ATG10: variants seen among roughly 807,000 people sequenced by gnomAD.
ATG10 encodes autophagy related 10.
In ATG10, 30 loss-of-function variants were observed where a neutral mutation model predicts 32.1. The observed-to-expected ratio is 0.94, with a 90% CI of 0.70 to 1.27. The LOEUF is 1.27. Ranked by LOEUF, ATG10 falls within the 50% of genes most tolerant of loss-of-function variation. The pLI is 0.00. For synonymous variants in ATG10, 87 were observed against 91.5 expected, an observed-to-expected ratio of 0.95 and a Z score of 0.28; for missense variants, 233 against 262.3, an observed-to-expected ratio of 0.89 and a Z score of 0.77.
chr5:82,130,853 T>C (rs915079303), intron 3 of ATG10, among the ~76,000 whole-genome samples: 2 of 152,104 alleles, frequency 1.3e-5, no homozygotes, highest in Non-Finnish European at 2.9e-5. Context: ...CTGGGACAAG[T>C]CTTTCTATAA....
chr5:82,051,355 CT>C (rs987220776), intron 2 of ATG10, among the ~76,000 whole-genome samples: 8 of 152,276 alleles, frequency 5.3e-5, no homozygotes, highest in African/African-American at 1.9e-4. Context: ...AACTCCAGCC[CT>C]TTCCCCCAAG....
At chr5:82,080,920 G>T (rs1764455219) in intron 3 of ATG10, among the ~76,000 whole-genome samples, 3 of 152,250 alleles carry the variant, frequency 2.0e-5, no homozygotes, top group East Asian at 1.9e-4. Context: ...TAGCTTGATG[G>T]GGATGGCACT....
intron 5 of ATG10, among the ~76,000 whole-genome samples, chr5:82,239,153 A>G (rs1247627932): frequency 6.6e-6 from 1 of 152,202 alleles, no homozygotes; most frequent in Admixed American, 6.5e-5. Context: ...GACTTCTGCA[A>G]TGTAAAGTAG....
intron 2 of ATG10, among the ~76,000 whole-genome samples, chr5:82,047,242 A>C (rs1424062426): frequency 6.6e-6 from 1 of 152,174 alleles, no homozygotes; most frequent in Non-Finnish European, 1.5e-5. Context: ...GTTTAATAAA[A>C]AGTATGAGGG....
intron 1 of ATG10, among the ~76,000 whole-genome samples, chr5:81,975,566 C>T (rs568119189): frequency 6.6e-6 from 1 of 152,108 alleles, no homozygotes; most frequent in Admixed American, 6.5e-5. Context: ...CATGTGGTCC[C>T]AGCTACTCAA....
At chr5:81,973,873 ATAG>A (rs1407346058) in intron 1 of ATG10, among the ~76,000 whole-genome samples, 1 of 152,254 alleles carries the variant, frequency 6.6e-6, no homozygotes. Context: ...ATTAGTGGAA[ATAG>A]TAGTTCTAAA....
At position 82,225,065 on chromosome 5, in the gene ATG10, G is replaced by A. The variant is rs368995619; in HGVS notation, c.454-27497G>A. 1.6e-4 allele frequency among the ~76,000 whole-genome samples: 24 copies of A among 152,104 alleles called. No homozygotes were observed. In the East Asian group the frequency reaches 3.5e-3, roughly 22 times the overall value. On this transcript the variant is annotated intron_variant, in intron 5 of 7. Transcript: ENST00000282185. ...AGCTGACATTTCTTCAATATTTTTG[G>A]TGCTCCTGTTCTGCAGGTATTTAGT...
chr5:82,180,434 G>A (rs1744187664), intron 5 of ATG10, among the ~76,000 whole-genome samples: 1 of 152,162 alleles, frequency 6.6e-6, no homozygotes, highest in South Asian at 2.1e-4. Context: ...CCAGGCATTG[G>A]TGGTGCTGTG....
At chr5:82,059,389 TAC>T (rs3084714) in intron 3 of ATG10, among the ~76,000 whole-genome samples, 135,772 of 145,302 alleles carry the variant, frequency 0.93, 63,271 homozygotes, top group East Asian at 0.99. Context: ...TTCTATCATA[TAC>T]ACACACACAC....
intron 2 of ATG10, among the ~76,000 whole-genome samples, chr5:82,055,112 T>C (rs1191642972): frequency 6.6e-6 from 1 of 152,094 alleles, no homozygotes; most frequent in Non-Finnish European, 1.5e-5. Context: ...ACAAAACATA[T>C]TTTTCTGCCT....
At chr5:82,224,544 G>T (rs1239479750) in intron 5 of ATG10, among the ~76,000 whole-genome samples, 1 of 152,172 alleles carries the variant, frequency 6.6e-6, no homozygotes, top group African/African-American at 2.4e-5. Flanking sequence ...GTATTTGCAT[G>T]CAGGGGGAAG....
rs1744724270 is a variant in ATG10 at position 82,193,151 on chromosome 5, A to T, written c.453+14564A>T. On this transcript the variant is annotated intron_variant, in intron 5 of 7. Transcript: ENST00000282185. ...CCCCAACCGTGCCATTAGCAGTTGC[A>T]TTCTACAATCTAAAGTTGTTATTGG... Among the ~76,000 whole-genome samples, 2 of 152,208 alleles carry T rather than the reference A, an allele frequency of 1.3e-5. 1 individual carries two copies. Among genetic ancestry groups the T allele is most frequent in the African/African-American group, 4.8e-5 (2 of 41,452 alleles).
chr5:82,089,394 A>G (rs987720104), intron 3 of ATG10, among the ~76,000 whole-genome samples: 7 of 152,326 alleles, frequency 4.6e-5, no homozygotes, highest in African/African-American at 1.4e-4. Context: ...ACATACAGCA[A>G]TGGGACAGAA....
intron 2 of ATG10, among the ~76,000 whole-genome samples, chr5:81,993,492 G>A (rs1220346598): frequency 6.7e-6 from 1 of 148,764 alleles, no homozygotes; most frequent in Non-Finnish European, 1.5e-5. Flanking sequence ...GCAATGGTGT[G>A]ATCTTGGCTC....
At chr5:82,200,907 T>A (rs895157784) in intron 5 of ATG10, among the ~76,000 whole-genome samples, 1 of 124,720 alleles carries the variant, frequency 8.0e-6, no homozygotes, top group East Asian at 2.1e-4. Context: ...TTATTTATTT[T>A]GAGACAGAGT....
At chr5:82,132,429 C>T (rs765273048) in intron 3 of ATG10, among the ~76,000 whole-genome samples, 1 of 148,994 alleles carries the variant, frequency 6.7e-6, no homozygotes, top group Non-Finnish European at 1.5e-5. Context: ...TACAGGCCCC[C>T]GTGTGTGATG....
chr5:82,119,848 T>C (rs552555058), intron 3 of ATG10, among the ~76,000 whole-genome samples: 1 of 152,276 alleles, frequency 6.6e-6, no homozygotes, highest in South Asian at 2.1e-4. Flanking sequence ...GCAAATTATT[T>C]TAGCAACAGA....
At chr5:82,042,081 T>C (rs796429527) in intron 2 of ATG10, among the ~76,000 whole-genome samples, 8 of 152,306 alleles carry the variant, frequency 5.3e-5, no homozygotes, top group African/African-American at 1.9e-4. Context: ...TTCATCACAC[T>C]GCTGTAAAGA....
intron 5 of ATG10, among the ~76,000 whole-genome samples, chr5:82,199,330 C>A (rs2149959606): frequency 6.6e-6 from 1 of 152,134 alleles, no homozygotes; most frequent in South Asian, 2.1e-4. Context: ...ATAAATTTCC[C>A]AAGTCTTGAC....
Sources: gnomAD v4.1 joint callset for allele counts (sites outside exome capture counted in the v4.1 genomes callset) on GRCh38, gnomAD v4.1.1 for gene constraint, MANE v1.5 for transcripts, NCBI Gene and HGNC (gene_info 2026-07-23, HGNC 2026-07-21) for gene names.